Variants in PCYT1B observed in about 807,000 individuals in gnomAD.
The protein encoded by PCYT1B is phosphate cytidylyltransferase 1B, choline.
In PCYT1B, 10 loss-of-function variants were observed where a neutral mutation model predicts 26.4. The observed-to-expected ratio is 0.38, with a 90% CI of 0.23 to 0.64. The LOEUF (loss-of-function observed/expected upper bound fraction) is 0.64, where lower values mean the gene tolerates loss of function less well. Among genes scored for constraint, PCYT1B ranks in the 30% least tolerant of loss-of-function variants. PCYT1B has a pLI of 0.56. For missense variants in PCYT1B, 161 were observed against 292.7 expected, an observed-to-expected ratio of 0.55 and a Z score of 3.28; for synonymous variants, 131 against 108.4, an observed-to-expected ratio of 1.21 and a Z score of -1.29.
At chrX:24,564,822 G>A (rs1923570143) in intron 7 of PCYT1B, among the ~76,000 whole-genome samples, 1 of 110,831 alleles carries the variant, frequency 9.0e-6, no homozygotes, top group Non-Finnish European at 1.9e-5. Context: ...TTTCTAGAAT[G>A]TCATCAAAAT....
At chrX:24,625,916 C>T (rs1010243196) in intron 1 of PCYT1B, among the ~76,000 whole-genome samples, 21 of 107,829 alleles carry the variant, frequency 1.9e-4, no homozygotes, top group Non-Finnish European at 3.8e-4. Context: ...GAGTTCAAGA[C>T]CAGCCTGGCC....
At position 24,670,084 on chromosome X, in the gene PCYT1B, GAAAGAAAGAAAGAAAGAAAGAAAGAAAGA is replaced by G. The variant is rs1569261813; in HGVS notation, c.63+2457_63+2485del. ...AGAAAGAAAGAAAGAAAGAAAGAAAGAAAGAAAGAAAGAAAGAAAGAAAGAAAGAAAGGAAGGAAGGAAGGAAGGAAGGA... is the reference window on the plus strand; with the variant it reads ...AGAAAGAAAGAAAGAAAGAAAGAAAGAAGGAAGGAAGGAAGGAAGGAAGGA... On this transcript the variant is annotated intron_variant, in intron 1 of 7. Coordinates refer to the PCYT1B transcript ENST00000379145. Among the ~76,000 whole-genome samples, 4 of 86,256 alleles carry G rather than the reference GAAAGAAAGAAAGAAAGAAAGAAAGAAAGA, an allele frequency of 4.6e-5. No homozygotes were observed. In the East Asian group the frequency reaches 1.1e-3, roughly 25 times the overall value. 74.9% of individuals were successfully genotyped at this position (86,256 alleles called of 115,157 possible).
At chrX:24,629,559 CAAAAAAAAAAAAA>C (rs1165553186) in intron 1 of PCYT1B, among the ~76,000 whole-genome samples, 2 of 16,105 alleles carry the variant, frequency 1.2e-4, no homozygotes, top group Non-Finnish European at 2.1e-4. Context: ...GACCCTGTCT[CAAAAAAAAAAAAA>C]AAAAAAAAAA....
chrX:24,656,179 T>G (rs1219183333), intron 1 of PCYT1B, among the ~76,000 whole-genome samples: 1 of 33,244 alleles, frequency 3.0e-5, no homozygotes, highest in Non-Finnish European at 5.3e-5. Flanking sequence ...AAAATAATGG[T>G]GAGACATGAA....
chrX:24,647,091 G>A lies in PCYT1B; in HGVS notation c.15C>T (p.Thr5=). 1 of 1,206,305 alleles carries A rather than the reference G, an allele frequency of 8.3e-7. No homozygotes were observed. Among genetic ancestry groups the A allele is most frequent in the Non-Finnish European group, 1.1e-6 (1 of 890,626 alleles). The part of the protein sequence containing the change: MPVV[T]TDAESETGIP... ...TACCTGTTTCTGACTCAGCATCAGT[G>A]GTAACTACTGGCATGGCCAGTGAAT... Residue 5 remains threonine, a synonymous_variant, in exon 1 of 8, where the codon ACC becomes ACT. Transcript: ENST00000379144.
chrX:24,637,509 T>TATATATATATATATAAAA (rs779316769), intron 1 of PCYT1B, among the ~76,000 whole-genome samples: 1 of 64,072 alleles, frequency 1.6e-5, no homozygotes, highest in Non-Finnish European at 2.4e-5. Flanking sequence ...TATATATATA[T>TATATATATATATATAAAA]ATAAATTAGC....
intron 3 of PCYT1B, among the ~76,000 whole-genome samples, chrX:24,602,160 C>T (rs1416070731): frequency 8.9e-6 from 1 of 111,829 alleles, no homozygotes; most frequent in Non-Finnish European, 1.9e-5. Context: ...CATTATTCAG[C>T]GCCAAAAAGA....
intron 1 of PCYT1B, among the ~76,000 whole-genome samples, chrX:24,637,491 A>AAATATATGTATATATATATAT: frequency 1.9e-5 from 1 of 52,882 alleles, no homozygotes; most frequent in African/African-American, 1.5e-4. Context: ...AAAAAAAAAA[A>AAATATATGTATATATATATAT]ATATATATAT....
chrX:24,573,151 CACACACACACACAT>C (rs1462912023), intron 7 of PCYT1B, among the ~76,000 whole-genome samples: 3 of 73,427 alleles, frequency 4.1e-5, no homozygotes, highest in Non-Finnish European at 6.0e-5. Flanking sequence ...CACACACACA[CACACACACACACAT>C]ATATATATAT....
intron 7 of PCYT1B, among the ~76,000 whole-genome samples, chrX:24,566,079 C>T (rs1249616499): frequency 8.9e-6 from 1 of 112,027 alleles, no homozygotes; most frequent in African/African-American, 3.2e-5. Flanking sequence ...AAATTTGTTA[C>T]AGCTAGTGAG....
Position 24,590,910 on chromosome X carries a change from C to T in PCYT1B, c.335-736G>A, listed in dbSNP as rs1021399826. Reference sequence around the variant, plus strand: ...CCGGGTTCACGCCATTCTCCTGCCTCAGCCTCCTGAGTAGCTGGGACTACA... The same window carrying T: ...CCGGGTTCACGCCATTCTCCTGCCTTAGCCTCCTGAGTAGCTGGGACTACA... On this transcript the variant is annotated intron_variant, in intron 3 of 7. Coordinates refer to ENST00000379144, the MANE Select transcript of PCYT1B (RefSeq NM_004845.5). Among the ~76,000 whole-genome samples the T allele has an allele frequency of 4.6e-5, 5 of 108,253 alleles. No homozygotes were observed. In the East Asian group the frequency reaches 1.5e-3, roughly 32 times the overall value. 94.0% of individuals were successfully genotyped at this position (108,253 alleles called of 115,157 possible). A position where few individuals can be genotyped will look rare whatever the true frequency, so the allele number is the denominator to read the frequency against.
At chrX:24,563,308 C>T (rs986144330) in intron 7 of PCYT1B, among the ~76,000 whole-genome samples, 6 of 111,554 alleles carry the variant, frequency 5.4e-5, no homozygotes, top group African/African-American at 9.8e-5. Context: ...ACAGGGTGCT[C>T]GGGGAAGGCC....
chrX:24,601,492 C>T (rs1170651601), intron 3 of PCYT1B, among the ~76,000 whole-genome samples: 2 of 83,636 alleles, frequency 2.4e-5, no homozygotes, highest in Non-Finnish European at 4.4e-5. Context: ...AACTCTTTCT[C>T]GAAAAAAAAA....
intron 1 of PCYT1B, among the ~76,000 whole-genome samples, chrX:24,624,026 C>T (rs191247151): frequency 7.0e-5 from 7 of 100,178 alleles, no homozygotes; most frequent in Non-Finnish European, 1.2e-4. Flanking sequence ...GGCTGGAGTG[C>T]AGTGGCGCAA....
At chrX:24,613,656 G>A (rs1387228750) in intron 2 of PCYT1B, among the ~76,000 whole-genome samples, 1 of 110,848 alleles carries the variant, frequency 9.0e-6, no homozygotes, top group African/African-American at 3.3e-5. Flanking sequence ...TTCCCTTTAA[G>A]AAAAGTCAGT....
At chrX:24,614,624 C>T (rs762966279) in intron 2 of PCYT1B, among the ~76,000 whole-genome samples, 8 of 112,211 alleles carry the variant, frequency 7.1e-5, no homozygotes, top group Non-Finnish European at 1.3e-4. Context: ...TTTGAGGGCA[C>T]GCTCAAGACA....
intron 3 of PCYT1B, among the ~76,000 whole-genome samples, chrX:24,598,440 T>C (rs984900329): frequency 1.8e-5 from 2 of 110,582 alleles, no homozygotes; most frequent in African/African-American, 6.6e-5. Flanking sequence ...TTCATATTTA[T>C]TTGATTATTC....
At chrX:24,598,751 TA>T (rs1318954954) in intron 3 of PCYT1B, among the ~76,000 whole-genome samples, 3 of 112,094 alleles carry the variant, frequency 2.7e-5, no homozygotes, top group African/African-American at 6.5e-5. Context: ...GAGTGTTTTT[TA>T]TAAAGCTTCT....
At chrX:24,660,128 A>C (rs1926998725) in intron 1 of PCYT1B, among the ~76,000 whole-genome samples, 2 of 111,529 alleles carry the variant, frequency 1.8e-5, no homozygotes, top group South Asian at 7.7e-4. Context: ...AAAAGTTTAG[A>C]ACAAAAAAAA....
Sources: gnomAD v4.1 joint callset for allele counts (sites outside exome capture counted in the v4.1 genomes callset) on GRCh38, gnomAD v4.1.1 for gene constraint, MANE v1.5 for transcripts, NCBI Gene and HGNC (gene_info 2026-07-23, HGNC 2026-07-21) for gene names.